RNGTT: variants seen among roughly 807,000 people sequenced by gnomAD.
RNGTT encodes the protein mRNA-capping enzyme.
A neutral mutation model predicts 79.3 loss-of-function variants in RNGTT; 33 were observed. The ratio of observed to expected loss-of-function variants is 0.42; its 90% CI spans 0.32 to 0.56. RNGTT has a LOEUF of 0.56. Ranked by LOEUF, RNGTT falls within the 20% of genes least tolerant of loss-of-function variation. The pLI, the probability that RNGTT is intolerant of heterozygous loss-of-function variation, is 0.17. For missense variants in RNGTT, 497 were observed against 739.1 expected, an observed-to-expected ratio of 0.67 and a Z score of 3.80; for synonymous variants, 222 against 235.9, an observed-to-expected ratio of 0.94 and a Z score of 0.54.
intron 13 of RNGTT, among the ~76,000 whole-genome samples, chr6:88,715,973 A>C (rs568814317): frequency 6.6e-6 from 1 of 152,220 alleles, no homozygotes; most frequent in East Asian, 1.9e-4. Context: ...AATGGGATCT[A>C]ATTAAACTAA....
In RNGTT at chr6:88,710,238, C is replaced by T. The variant is rs73754805; in HGVS notation, c.1440-31819G>A. Among the ~76,000 whole-genome samples, 248 of 152,290 alleles carry T rather than the reference C, an allele frequency of 1.6e-3. 1 individual carries two copies. The highest frequency in any genetic ancestry group is 5.7e-3 in the African/African-American group (238 of 41,556). ...AAACAAAAAATAGTGAATTTCTATT[C>T]AACCAGTGTGCACACCACATTTGGA... is the stretch of plus-strand genomic sequence containing the variant. On this transcript the variant is annotated intron_variant, in intron 13 of 15. Transcript: ENST00000369485.
intron 13 of RNGTT, among the ~76,000 whole-genome samples, chr6:88,728,909 C>G (rs62429110): frequency 6.6e-6 from 1 of 152,152 alleles, no homozygotes; most frequent in African/African-American, 2.4e-5. Context: ...ATATTCCCTC[C>G]GCACGTTAAA....
chr6:88,906,629 T>C (rs114064581), intron 4 of RNGTT, among the ~76,000 whole-genome samples, 189 bp from the exon 5 acceptor site: 1,949 of 152,324 alleles, frequency 0.013, 43 homozygotes, highest in African/African-American at 0.043. Flanking sequence ...ATCTAATTTA[T>C]AACTAGCTAG....
At chr6:88,799,350 G>C (rs946443341) in intron 12 of RNGTT, among the ~76,000 whole-genome samples, 4 of 152,050 alleles carry the variant, frequency 2.6e-5, no homozygotes, top group African/African-American at 9.7e-5. Flanking sequence ...TAATGCTGGC[G>C]AACAGGGAGA....
At chr6:88,790,494 T>A (rs1779372620) in intron 12 of RNGTT, among the ~76,000 whole-genome samples, 1 of 152,158 alleles carries the variant, frequency 6.6e-6, no homozygotes, top group African/African-American at 2.4e-5. Context: ...GAGTGGACCC[T>A]AGCTCCTTTA....
intron 11 of RNGTT, among the ~76,000 whole-genome samples, chr6:88,827,072 TA>T (rs918468001): frequency 1.6e-4 from 24 of 148,106 alleles, no homozygotes; most frequent in East Asian, 2.0e-4. Flanking sequence ...TTACACACTT[TA>T]AAAAAAAAAG....
chr6:88,823,685 A>T lies in RNGTT; in HGVS notation c.1269+20672T>A, dbSNP rs571788539. On this transcript the variant is annotated intron_variant, in intron 11 of 15. Coordinates refer to ENST00000369485, the MANE Select transcript of RNGTT (RefSeq NM_003800.5). Reference sequence around the variant, plus strand: ...TGGATAGAGAAATAGATGAATTAATATGTGTTAGAGCTGGTACAGGAAAAT... The same window carrying T: ...TGGATAGAGAAATAGATGAATTAATTTGTGTTAGAGCTGGTACAGGAAAAT... Among the ~76,000 whole-genome samples, 3 of 152,320 alleles carry T rather than the reference A, an allele frequency of 2.0e-5. No individual in the cohort carries two copies. In the East Asian group the frequency reaches 5.8e-4, roughly 29 times the overall value.
rs1312467631 is a variant in RNGTT, at chr6:88,826,797, A to T, written c.1269+17560T>A. ...AAACCCTGTCTCAAAAGAAAAAAAA[A>T]AAATATATATATATATATATGTGTG... On this transcript the variant is annotated intron_variant, in intron 11 of 15. Coordinates refer to ENST00000369485, the MANE Select transcript of RNGTT (RefSeq NM_003800.5). 2.5e-3 allele frequency among the ~76,000 whole-genome samples: 302 copies of T among 119,660 alleles called. 3 individuals carry two copies. Among genetic ancestry groups the T allele is most frequent in the African/African-American group, 9.9e-3 (257 of 25,884 alleles). 78.5% of individuals were successfully genotyped at this position (119,660 alleles called of 152,430 possible).
At chr6:88,931,212 A>G (rs1229589138) in intron 2 of RNGTT, among the ~76,000 whole-genome samples, 1 of 142,826 alleles carries the variant, frequency 7.0e-6, no homozygotes, top group Non-Finnish European at 1.5e-5. Flanking sequence ...AAAAAAAAAG[A>G]ACAAGAAGTT....
chr6:88,816,105 T>G (rs1360689613), intron 11 of RNGTT, among the ~76,000 whole-genome samples: 1 of 152,214 alleles, frequency 6.6e-6, no homozygotes, highest in Non-Finnish European at 1.5e-5. Context: ...TACGGTGATT[T>G]TATTTCCTGT....
At chr6:88,710,395 C>A (rs1776278345) in intron 13 of RNGTT, among the ~76,000 whole-genome samples, 1 of 152,098 alleles carries the variant, frequency 6.6e-6, no homozygotes, top group South Asian at 2.1e-4. Flanking sequence ...TAAAAGAAAT[C>A]ATGACTAATG....
intron 13 of RNGTT, among the ~76,000 whole-genome samples, chr6:88,699,839 G>C (rs972233620): frequency 2.6e-5 from 4 of 152,120 alleles, no homozygotes; most frequent in African/African-American, 7.2e-5. Context: ...TGTATGGTTT[G>C]AATCATATAA....
At chr6:88,713,353 G>C (rs559893208) in intron 13 of RNGTT, among the ~76,000 whole-genome samples, 1 of 152,096 alleles carries the variant, frequency 6.6e-6, no homozygotes, top group Non-Finnish European at 1.5e-5. Context: ...GGTATCTGTT[G>C]TTTAAGTTAC....
chr6:88,673,595 C>G (rs536442612), intron 14 of RNGTT, among the ~76,000 whole-genome samples: 12 of 152,088 alleles, frequency 7.9e-5, no homozygotes, highest in Non-Finnish European at 1.2e-4. Context: ...ACAACAACAT[C>G]AAAAGAAAAG....
At chr6:88,647,715 A>AAAAAAAAAAAAAAAAAAAAAAAAAGAAG (rs531898293) in intron 14 of RNGTT, among the ~76,000 whole-genome samples, 1 of 142,442 alleles carries the variant, frequency 7.0e-6, no homozygotes, top group African/African-American at 3.0e-5. Flanking sequence ...AAAAAAAAAA[A>AAAAAAAAAAAAAAAAAAAAAAAAAGAAG]AAGAAGAAGA....
intron 14 of RNGTT, among the ~76,000 whole-genome samples, chr6:88,615,234 C>T (rs1386123563): frequency 2.0e-5 from 3 of 152,182 alleles, no homozygotes; most frequent in African/African-American, 7.2e-5. Flanking sequence ...AACTTTTCCT[C>T]ACAATATGGT....
At chr6:88,928,794 T>C (rs993017096) in intron 4 of RNGTT, among the ~76,000 whole-genome samples, 191 bp downstream of exon 4, 5 of 152,190 alleles carry the variant, frequency 3.3e-5, no homozygotes, top group African/African-American at 7.2e-5. Flanking sequence ...GGGCTTTATC[T>C]AGAAAAATGT....
intron 14 of RNGTT, among the ~76,000 whole-genome samples, chr6:88,640,804 C>T (rs975694631): frequency 2.0e-5 from 3 of 152,084 alleles, no homozygotes; most frequent in South Asian, 2.1e-4. Context: ...CATGTATATT[C>T]AGGAGAACTT....
intron 14 of RNGTT, among the ~76,000 whole-genome samples, chr6:88,647,224 T>C (rs1426823890): frequency 2.6e-5 from 4 of 152,120 alleles, no homozygotes; most frequent in African/African-American, 9.7e-5. Context: ...ATGGTAATAG[T>C]ATGCTACAGA....
Sources: allele counts gnomAD v4.1 joint callset (sites outside exome capture counted in the v4.1 genomes callset), GRCh38; gene constraint gnomAD v4.1.1; transcripts MANE v1.5; gene names NCBI Gene and HGNC (gene_info 2026-07-23, HGNC 2026-07-21).